CCDC73: variants seen among roughly 807,000 people sequenced by gnomAD.
CCDC73 encodes coiled-coil domain containing 73, also known as coiled-coil domain-containing protein 73.
In CCDC73, 95 loss-of-function variants were observed where a neutral mutation model predicts 116.5. The observed-to-expected ratio is 0.82, with a 90% CI of 0.69 to 0.97. The LOEUF is 0.97. Ranked by LOEUF, CCDC73 falls within the 50% of genes least tolerant of loss-of-function variation. CCDC73 has a pLI of 0.00. For synonymous variants in CCDC73, 398 were observed against 401.3 expected (o/e 0.99, Z 0.10); for missense variants, 1,066 against 1,206.8 (o/e 0.88, Z 1.73).
chr11:32,768,027 G>A (rs1477422747), intron 1 of CCDC73, among the ~76,000 whole-genome samples: 1 of 152,212 alleles, frequency 6.6e-6, no homozygotes, highest in East Asian at 1.9e-4. Flanking sequence ...GCACACGTAT[G>A]GTTATTGCGG....
chr11:32,625,207 C>CA (rs1372507532), intron 14 of CCDC73, among the ~76,000 whole-genome samples: 1 of 152,152 alleles, frequency 6.6e-6, no homozygotes, highest in Non-Finnish European at 1.5e-5. Flanking sequence ...GAATACAGCA[C>CA]ATTAATGGAT....
rs184870104 is a variant in CCDC73 at position 32,608,878 on chromosome 11, T to C, written c.3030+2254A>G. ...GGAAGCTGCCAAGGCTTGGGGCTTG[T>C]ACCCTCTGAAGCAATGGCCCAAGCT... On this transcript the variant is annotated intron_variant, in intron 17 of 17. Transcript: ENST00000335185. 9.3e-3 allele frequency among the ~76,000 whole-genome samples: 1,416 copies of C among 152,310 alleles called. 11 individuals carry two copies. The highest frequency in any genetic ancestry group is 0.025 in the African/African-American group (1,028 of 41,570).
At chr11:32,756,915 ATAAGTAGTTCC>A (rs1316233690) in intron 2 of CCDC73, among the ~76,000 whole-genome samples, 10 of 152,148 alleles carry the variant, frequency 6.6e-5, no homozygotes, top group Admixed American at 2.0e-4. Flanking sequence ...TCAGTATCTC[ATAAGTAGTTCC>A]TGAATAAGAT....
At chr11:32,718,719 C>T (rs942721739) in intron 2 of CCDC73, among the ~76,000 whole-genome samples, 1 of 152,178 alleles carries the variant, frequency 6.6e-6, no homozygotes, top group Admixed American at 6.5e-5. Context: ...TGGAAACCCT[C>T]TGCAGCTGGG....
chr11:32,715,498 GCACACACA>G (rs35260107), intron 3 of CCDC73, among the ~76,000 whole-genome samples: 3 of 148,564 alleles, frequency 2.0e-5, no homozygotes, highest in Admixed American at 1.3e-4. Flanking sequence ...TGATACACAC[GCACACACA>G]CACACACACA....
At position 32,654,736 on chromosome 11, in the gene CCDC73, T is replaced by C. The variant is rs184528113; in HGVS notation, c.774+108A>G. On this transcript the variant is annotated intron_variant, in intron 10 of 17. Transcript: ENST00000335185. ...AACAGATTAATAATACCTTTAACTA[T>C]GCATATTGACTTTGCAAAGGCGGAG... The C allele has an allele frequency of 5.2e-5, 41 of 783,238 alleles. No individual in the cohort carries two copies. In the East Asian group the frequency reaches 1.1e-3, roughly 21 times the overall value. 48.5% of individuals were successfully genotyped at this position (783,238 alleles called of 1,614,324 possible).
chr11:32,757,732 C>T (rs993750677), intron 2 of CCDC73, among the ~76,000 whole-genome samples: 2 of 152,136 alleles, frequency 1.3e-5, no homozygotes, highest in African/African-American at 4.8e-5. Context: ...GCTTTCTCTT[C>T]GACTATAACC....
chr11:32,737,227 A>AGG (rs1850140777), intron 2 of CCDC73, among the ~76,000 whole-genome samples: 2 of 132,070 alleles, frequency 1.5e-5, no homozygotes, highest in Non-Finnish European at 3.2e-5. Flanking sequence ...GGTACATAGT[A>AGG]GGGCTGTGTG....
intron 14 of CCDC73, among the ~76,000 whole-genome samples, chr11:32,619,271 T>C (rs1167365433): frequency 6.6e-6 from 1 of 152,184 alleles, no homozygotes; most frequent in Non-Finnish European, 1.5e-5. Context: ...GTTTGCTGAG[T>C]TTTCTTTTAG....
chr11:32,660,046 T>C (rs1379645878), intron 9 of CCDC73, among the ~76,000 whole-genome samples: 1 of 152,148 alleles, frequency 6.6e-6, no homozygotes, highest in Non-Finnish European at 1.5e-5. Context: ...GGAATGAATG[T>C]TGGGGAATTA....
rs1357873743 is a variant in CCDC73, at chr11:32,615,889, T to C, written c.1375+51A>G. The stretch of plus-strand genomic sequence containing the variant: ...ATGTAATTTTCCCAAAAATATTTAC[T>C]GTAAATATCAACATACAAATTAGAA... On this transcript the variant is annotated intron_variant, in intron 15 of 17. Transcript: ENST00000335185. The C allele has an allele frequency of 6.4e-6, 9 of 1,407,670 alleles. No homozygotes were observed. The South Asian group carries it at 1.2e-4, about 18-fold the overall frequency. 87.2% of individuals were successfully genotyped at this position (1,407,670 alleles called of 1,614,324 possible). A position where few individuals can be genotyped will look rare whatever the true frequency, so the allele number is the denominator to read the frequency against.
chr11:32,613,262 G>A (rs916137207), intron 16 of CCDC73, among the ~76,000 whole-genome samples, 160 bp downstream of exon 16: 1 of 152,146 alleles, frequency 6.6e-6, no homozygotes, highest in African/African-American at 2.4e-5. Context: ...CTACTTCACT[G>A]TATTTGCTCT....
chr11:32,607,369 G>A (rs1442478698), intron 17 of CCDC73, among the ~76,000 whole-genome samples: 1 of 152,038 alleles, frequency 6.6e-6, no homozygotes, highest in Non-Finnish European at 1.5e-5. Context: ...TGGGATTACA[G>A]GCGTGAGCCA....
At chr11:32,744,819 C>T (rs1198557813) in intron 2 of CCDC73, among the ~76,000 whole-genome samples, 4 of 152,258 alleles carry the variant, frequency 2.6e-5, no homozygotes, top group East Asian at 1.9e-4. Flanking sequence ...GTCTTGCTAG[C>T]AGTCTATCTA....
chr11:32,613,503 G>C lies in CCDC73; in HGVS notation c.2815C>G (p.Pro939Ala), dbSNP rs1302040227. Residue 939 changes from proline (P) to alanine (A), a missense_variant, in exon 16 of 18, where the codon CCA becomes GCA. Physicochemically the swap from Pro to Ala is conservative, Grantham distance 27 (BLOSUM62 -1). Coordinates refer to ENST00000335185, the MANE Select transcript of CCDC73 (RefSeq NM_001008391.4). ...GAAATGATCTTTTTGTTTTCTGATG[G>C]ATCTAGTGGTCTCTCCTTCAGCAAC... ...SLLLKERPLD[P>A]SENKKIISMA... is the part of the protein sequence containing the mutation. 1 of 1,613,962 alleles carries C rather than the reference G, an allele frequency of 6.2e-7. No homozygotes were observed. Among genetic ancestry groups the C allele is most frequent in the Non-Finnish European group, 8.5e-7 (1 of 1,179,960 alleles).
intron 1 of CCDC73, among the ~76,000 whole-genome samples, chr11:32,762,260 A>C (rs980378713): frequency 2.0e-5 from 3 of 152,214 alleles, no homozygotes; most frequent in Non-Finnish European, 4.4e-5. Context: ...AACATTTTAA[A>C]ATCTTCTCAA....
chr11:32,667,674 C>T (rs1855999128), intron 9 of CCDC73, among the ~76,000 whole-genome samples: 1 of 152,176 alleles, frequency 6.6e-6, no homozygotes, highest in South Asian at 2.1e-4. Flanking sequence ...CTGCTCTGCA[C>T]CCACTGTCCA....
At chr11:32,667,153 A>G (rs1855992045) in intron 9 of CCDC73, among the ~76,000 whole-genome samples, 2 of 152,160 alleles carry the variant, frequency 1.3e-5, no homozygotes, top group Admixed American at 6.5e-5. Context: ...TCAGATCTCA[A>G]ACTCCGTGCT....
chr11:32,676,355 A>G (rs899442007), intron 7 of CCDC73, among the ~76,000 whole-genome samples: 1 of 152,182 alleles, frequency 6.6e-6, no homozygotes, highest in Non-Finnish European at 1.5e-5. Context: ...AAAAAGCAAT[A>G]CTTTTGGTAC....
Sources: gnomAD v4.1 joint callset for allele counts (sites outside exome capture counted in the v4.1 genomes callset) on GRCh38, gnomAD v4.1.1 for gene constraint, MANE v1.5 for transcripts, NCBI Gene and HGNC (gene_info 2026-07-23, HGNC 2026-07-21) for gene names.